ANKRD11: variants seen among roughly 807,000 people sequenced by gnomAD.
The protein encoded by ANKRD11 is ankyrin repeat domain 11.
In ANKRD11, 17 loss-of-function variants were observed where a neutral mutation model predicts 195.7. The observed-to-expected ratio is 0.09, with a 90% CI of 0.06 to 0.13. The LOEUF (loss-of-function observed/expected upper bound fraction) is 0.13, where lower values mean the gene tolerates loss of function less well. ANKRD11 is among the 10% of genes least tolerant of loss of function. The probability of loss-of-function intolerance (pLI) is 1.00; values close to 1 mark genes in which losing one functional copy is unlikely to be tolerated. For missense variants in ANKRD11, 3,735 were observed against 3,566.1 expected (o/e 1.05, Z -1.21); for synonymous variants, 1,953 against 1,528.1 (o/e 1.28, Z -6.49).
chr16:89,378,188 T>C (rs1258360257), intron 2 of ANKRD11, among the ~76,000 whole-genome samples: 1 of 152,162 alleles, frequency 6.6e-6, no homozygotes, highest in Non-Finnish European at 1.5e-5. Context: ...ACTCTGTCTC[T>C]TTAAGAAGCG....
At chr16:89,415,952 G>A (rs1034767066) in intron 2 of ANKRD11, among the ~76,000 whole-genome samples, 2 of 151,854 alleles carry the variant, frequency 1.3e-5, no homozygotes, top group African/African-American at 4.8e-5. Context: ...GCTCAGCAGG[G>A]CCTCTCTGTA....
rs1200476547 is a variant in ANKRD11 at position 89,280,188 on chromosome 16, C to G, written c.6354G>C (p.Val2118=). 6.2e-7 allele frequency: 1 copy of G among 1,608,634 alleles called. No individual in the cohort carries two copies. The highest frequency in any genetic ancestry group is 8.5e-7 in the Non-Finnish European group (1 of 1,179,002). Residue 2118 remains valine, a synonymous_variant, in exon 9 of 13, where the codon GTG becomes GTC. Coordinates refer to ENST00000301030, the MANE Select transcript of ANKRD11 (RefSeq NM_013275.6). ...GLSHLGQVEP[V]PWADAFAGPE... ...GGCCGGCGAAGGCGTCCGCCCAGGG[C>G]ACCGGCTCCACCTGGCCGAGGTGAG...
chr16:89,436,838 G>C (rs2043235878), intron 1 of ANKRD11, among the ~76,000 whole-genome samples: 2 of 152,192 alleles, frequency 1.3e-5, no homozygotes, highest in African/African-American at 4.8e-5. Context: ...CTGAAGGTTG[G>C]ACAATGGTAT....
rs576742682 is a variant in ANKRD11 at position 89,279,565 on chromosome 16, G to A, written c.6977C>T (p.Ala2326Val). 1.3e-4 allele frequency: 187 copies of A among 1,434,820 alleles called. No homozygotes were observed. The African/African-American group carries it at 2.2e-3, about 17-fold the overall frequency. 88.9% of individuals were successfully genotyped at this position (1,434,820 alleles called of 1,614,324 possible). A position where few individuals can be genotyped will look rare whatever the true frequency, so the allele number is the denominator to read the frequency against. ...CTGAGGGATCTCCTCCACTCGGGGG[G>A]CCTTCGGGGCTTCGGCCGTGGGTTT... ...EPKPTAEAPK[A>V]PRVEEIPQRM... The change falls in exon 9 of 13, where the codon GCC becomes GTC. Residue 2326 changes from alanine to valine, a missense_variant. By Grantham distance (64) the Ala-to-Val change is moderately conservative. Transcript: ENST00000301030. This position sits in a 1 kb window ranked among gnomAD's most constrained non-coding sequence, Gnocchi z 5.6.
intron 12 of ANKRD11, among the ~76,000 whole-genome samples, chr16:89,268,903 C>T (rs1159725743): frequency 1.3e-5 from 2 of 152,230 alleles, no homozygotes; most frequent in East Asian, 1.9e-4. Flanking sequence ...TGGCCTGGGG[C>T]TCACCCTGGC....
intron 2 of ANKRD11, chr16:89,323,800 G>C: frequency 4.1e-6 from 1 of 243,418 alleles, no homozygotes; most frequent in Non-Finnish European, 8.1e-6. Context: ...CCCTCCTCAG[G>C]GCCACACCAA....
chr16:89,436,413 T>G (rs372954093), intron 1 of ANKRD11, among the ~76,000 whole-genome samples: 2 of 113,646 alleles, frequency 1.8e-5, no homozygotes, highest in Admixed American at 1.9e-4. Flanking sequence ...AGACTCGGTC[T>G]CAAAAAAAAA....
At chr16:89,420,511 G>C (rs554726546) in intron 1 of ANKRD11, 136 of 152,302 alleles carry the variant, frequency 8.9e-4, no homozygotes, top group African/African-American at 3.1e-3. Flanking sequence ...CAAATCAGGT[G>C]AAAGTGAAAA....
At chr16:89,377,663 G>C (rs1030095578) in intron 2 of ANKRD11, among the ~76,000 whole-genome samples, 2 of 152,146 alleles carry the variant, frequency 1.3e-5, no homozygotes, top group Non-Finnish European at 2.9e-5. Context: ...CTCCTGCAGA[G>C]GGGAGGGGTT....
chr16:89,413,499 C>A (rs2042177298), intron 2 of ANKRD11, among the ~76,000 whole-genome samples: 1 of 152,056 alleles, frequency 6.6e-6, no homozygotes, highest in African/African-American at 2.4e-5. Context: ...GTGGCGGGCA[C>A]CTATAGTCCC....
chr16:89,279,535 A>C lies in ANKRD11; in HGVS notation c.7007T>G (p.Met2336Arg). The part of the protein sequence containing the change: ...APRVEEIPQR[M>R]TRNRAQMLAN... ...GAGCATCTGCGCCCGGTTCCTGGTC[A>C]TGCGCTGAGGGATCTCCTCCACTCG... Residue 2336 changes from methionine to arginine, a missense_variant, in exon 9 of 13, where the codon ATG becomes AGG. Met to Arg is a moderately conservative substitution (Grantham distance 91, BLOSUM62 -1). Transcript: ENST00000301030. The surrounding 1 kb of genome is among the most constrained non-coding windows in gnomAD (Gnocchi z 5.6). 1 of 1,397,144 alleles carries C rather than the reference A, an allele frequency of 7.2e-7. No homozygotes were observed. The highest frequency in any genetic ancestry group is 9.7e-7 in the Non-Finnish European group (1 of 1,031,538). 86.5% of individuals were successfully genotyped at this position (1,397,144 alleles called of 1,614,324 possible).
intron 4 of ANKRD11, among the ~76,000 whole-genome samples, chr16:89,294,584 G>C (rs2035290942): frequency 6.6e-6 from 1 of 152,142 alleles, no homozygotes; most frequent in Admixed American, 6.5e-5. Context: ...TGGGGTAGAG[G>C]GAAAGCCCCA....
chr16:89,344,616 C>T (rs949709276), intron 2 of ANKRD11, among the ~76,000 whole-genome samples: 1 of 152,246 alleles, frequency 6.6e-6, no homozygotes, highest in African/African-American at 2.4e-5. Flanking sequence ...CGGGAGGACA[C>T]TCCAGGCTGA....
At chr16:89,451,288 G>C (rs1188766499) in intron 1 of ANKRD11, among the ~76,000 whole-genome samples, 1 of 152,114 alleles carries the variant, frequency 6.6e-6, no homozygotes. Flanking sequence ...AATCAATGGA[G>C]ACAGATAGTA....
chr16:89,390,488 G>T (rs1053111381), intron 2 of ANKRD11, among the ~76,000 whole-genome samples: 12 of 152,158 alleles, frequency 7.9e-5, no homozygotes, highest in Non-Finnish European at 1.5e-4. Flanking sequence ...AATACGTGAA[G>T]GAATAAAGCC....
chr16:89,281,231 G>A lies in ANKRD11; in HGVS notation c.5311C>T (p.Leu1771Phe), dbSNP rs761323554. The change falls in exon 9 of 13, where the codon CTT becomes TTT. Residue 1771 changes from leucine (L) to phenylalanine (F), a missense_variant. Transcript: ENST00000301030. This position sits in a 1 kb window ranked among gnomAD's most constrained non-coding sequence, Gnocchi z 5.5. ...GGAGCCTGGCTGGCGTTTTCCGAAA[G>A]CCCACTTGAAGCCACGGAGAACCTG... ...FDRFSVASSG[L>F]SENASQAPAR... 1.9e-6 allele frequency: 3 copies of A among 1,614,216 alleles called. No individual in the cohort carries two copies. The highest frequency in any genetic ancestry group is 2.5e-6 in the Non-Finnish European group (3 of 1,180,038).
At chr16:89,451,001 A>G (rs2044045885) in intron 1 of ANKRD11, among the ~76,000 whole-genome samples, 3 of 152,232 alleles carry the variant, frequency 2.0e-5, no homozygotes, top group Admixed American at 2.0e-4. Flanking sequence ...AGAGGTGAGC[A>G]AAGCACTGTT....
At chr16:89,357,481 A>G (rs1343514296) in intron 2 of ANKRD11, among the ~76,000 whole-genome samples, 1 of 152,202 alleles carries the variant, frequency 6.6e-6, no homozygotes, top group Non-Finnish European at 1.5e-5. Flanking sequence ...ACAAATTACA[A>G]AAGGACTAAG....
chr16:89,430,982 C>T (rs2042954473), intron 1 of ANKRD11, among the ~76,000 whole-genome samples: 1 of 152,066 alleles, frequency 6.6e-6, no homozygotes, highest in South Asian at 2.1e-4. Context: ...GAAACGGCCA[C>T]TCCAGGCTCA....
Sources: gnomAD v4.1 joint callset for allele counts (sites outside exome capture counted in the v4.1 genomes callset) on GRCh38, gnomAD v4.1.1 for gene constraint, Gnocchi (gnomAD v3.1) non-coding constraint, MANE v1.5 for transcripts, NCBI Gene and HGNC (gene_info 2026-07-23, HGNC 2026-07-21) for gene names.